The following PCDHGB4 variants were observed in gnomAD, a reference collection of about 807,000 sequenced individuals.
PCDHGB4 encodes the protein protocadherin gamma subfamily B, 4.
A neutral mutation model predicts 60.5 loss-of-function variants in PCDHGB4; 38 were observed. The ratio of observed to expected loss-of-function variants is 0.63; its 90% CI spans 0.48 to 0.82. PCDHGB4 has a LOEUF of 0.82. PCDHGB4 is among the 40% of genes least tolerant of loss of function. The probability of loss-of-function intolerance (pLI) is 0.00; values close to 1 mark genes in which losing one functional copy is unlikely to be tolerated. For missense variants in PCDHGB4, 1,109 were observed against 1,209.6 expected (o/e 0.92, Z 1.23); for synonymous variants, 456 against 509.7 (o/e 0.89, Z 1.42).
intron 1 of PCDHGB4, chr5:141,423,540 C>T (rs961504938): frequency 6.2e-7 from 1 of 1,613,606 alleles, no homozygotes; most frequent in Non-Finnish European, 8.5e-7. Context: ...ACCTGATTTT[C>T]CCCCAGCCCA....
At chr5:141,461,821 T>A (rs569091880) in intron 1 of PCDHGB4, among the ~76,000 whole-genome samples, 1 of 151,286 alleles carries the variant, frequency 6.6e-6, no homozygotes, top group South Asian at 2.1e-4. Context: ...ACCCAGCTAA[T>A]TTTTTTTTCT....
At chr5:141,423,617 A>T (rs1426014397) in intron 1 of PCDHGB4, 3 of 1,608,486 alleles carry the variant, frequency 1.9e-6, no homozygotes, top group Admixed American at 1.7e-5. Flanking sequence ...ATAGCTGAAG[A>T]CTCAGCTATC....
chr5:141,409,833 C>G (rs973436075), intron 1 of PCDHGB4: 2 of 1,611,368 alleles, frequency 1.2e-6, no homozygotes, highest in Non-Finnish European at 1.7e-6. Context: ...ACGCTCAGCG[C>G]CAACGTGAGC....
intron 3 of PCDHGB4, among the ~76,000 whole-genome samples, chr5:141,509,089 G>C (rs1366018197): frequency 6.6e-6 from 1 of 152,158 alleles, no homozygotes; most frequent in Non-Finnish European, 1.5e-5. Context: ...ACATGAAATG[G>C]GGGCTGTAGA....
chr5:141,460,511 AT>A (rs937107682), intron 1 of PCDHGB4, among the ~76,000 whole-genome samples: 2 of 152,168 alleles, frequency 1.3e-5, no homozygotes, highest in African/African-American at 4.8e-5. Flanking sequence ...TGAGAAGGCT[AT>A]CTTTTCCCCA....
At chr5:141,421,164 A>C (rs1304650780) in intron 1 of PCDHGB4, 9 of 1,286,298 alleles carry the variant, frequency 7.0e-6, no homozygotes, top group Non-Finnish European at 9.4e-6. Context: ...GACTTCATAG[A>C]TACATAAGCC....
In PCDHGB4 at chr5:141,409,944, C is replaced by T. The variant is rs779095634; in HGVS notation, c.2397+19663C>T. The T allele has an allele frequency of 6.2e-7, 1 of 1,613,302 alleles. No individual in the cohort carries two copies. The highest frequency in any genetic ancestry group is 1.7e-5 in the Admixed American group (1 of 60,024). On this transcript the variant is annotated intron_variant, in intron 1 of 3. Transcript: ENST00000519479. ...GCGTTCTTCGATATGGTACCTCGCTCTGCAGAGCCCGGCTACCTAGTGACT... is the reference window on the plus strand; with the variant it reads ...GCGTTCTTCGATATGGTACCTCGCTTTGCAGAGCCCGGCTACCTAGTGACT...
At position 141,487,493 on chromosome 5, in the gene PCDHGB4, C is replaced by A. The variant is rs1372433097; in HGVS notation, c.2398-7314C>A. 5.6e-6 allele frequency: 9 copies of A among 1,614,050 alleles called. No individual in the cohort carries two copies. The highest frequency in any genetic ancestry group is 6.8e-6 in the Non-Finnish European group (8 of 1,180,034). On this transcript the variant is annotated intron_variant, in intron 1 of 3. Coordinates refer to ENST00000519479, the MANE Select transcript of PCDHGB4 (RefSeq NM_003736.4). This position sits in a 1 kb window ranked among gnomAD's most constrained non-coding sequence, Gnocchi z 5.0. ...GGGAGGCCACTCTCATGGCTGTACACCCTTGGCTTCTGCACCCACTCGGAG... is the reference window on the plus strand; with the variant it reads ...GGGAGGCCACTCTCATGGCTGTACAACCTTGGCTTCTGCACCCACTCGGAG...
At position 141,433,030 on chromosome 5, in the gene PCDHGB4, T is replaced by C. The variant is rs116611363; in HGVS notation, c.2397+42749T>C. ...TCCTGCAGACCTATTCCCACGAGGTTTCCCTCACCACGGACTCGCGGAAGA... is the reference window on the plus strand; with the variant it reads ...TCCTGCAGACCTATTCCCACGAGGTCTCCCTCACCACGGACTCGCGGAAGA... On this transcript the variant is annotated intron_variant, in intron 1 of 3. Transcript: ENST00000519479. 10,352 of 1,614,096 alleles carry C rather than the reference T, an allele frequency of 6.4e-3. 43 individuals are homozygous for C. The highest frequency in any genetic ancestry group is 8.6e-3 in the Middle Eastern group (52 of 6,062).
Position 141,431,682 on chromosome 5 carries a change from A to C in PCDHGB4, c.2397+41401A>C. The C allele has an allele frequency of 1.2e-6, 2 of 1,614,232 alleles. No homozygotes were observed. Among genetic ancestry groups the C allele is most frequent in the Non-Finnish European group, 1.7e-6 (2 of 1,180,042 alleles). ...ACAATATCAACAATAGGGGAGTTGG[A>C]CCACGAGGAGTCAGGATTCTACCAG... On this transcript the variant is annotated intron_variant, in intron 1 of 3. Transcript: ENST00000519479. The surrounding 1 kb of genome is among the most constrained non-coding windows in gnomAD (Gnocchi z 4.8).
At chr5:141,422,849 C>G in intron 1 of PCDHGB4, 1 of 1,614,238 alleles carries the variant, frequency 6.2e-7, no homozygotes, top group East Asian at 2.2e-5. Flanking sequence ...AGCGGGGACC[C>G]GCCCCTCAGC....
intron 1 of PCDHGB4, chr5:141,414,615 G>A: frequency 6.2e-7 from 1 of 1,613,962 alleles, no homozygotes; most frequent in Non-Finnish European, 8.5e-7. Context: ...CAGTGACAGC[G>A]CTGGACCCGG....
intron 1 of PCDHGB4, among the ~76,000 whole-genome samples, chr5:141,492,574 G>T (rs2099742096): frequency 6.6e-6 from 1 of 152,232 alleles, no homozygotes; most frequent in Non-Finnish European, 1.5e-5. Flanking sequence ...TGAGCGAGGC[G>T]CGGGGCCAGG....
rs769187557 is a variant in PCDHGB4, at chr5:141,433,087, A to C, written c.2397+42806A>C. 2.5e-6 allele frequency: 4 copies of C among 1,614,206 alleles called. No homozygotes were observed. In the Admixed American group the frequency reaches 6.7e-5, roughly 27 times the overall value. On this transcript the variant is annotated intron_variant, in intron 1 of 3. Transcript: ENST00000519479. The stretch of plus-strand genomic sequence containing the variant: ...TGATCTTCCCCCAGCCCAACTATGC[A>C]GACATGCTCGTCAGCCAGGAGAGCT...
intron 1 of PCDHGB4, chr5:141,426,510 T>C: frequency 2.9e-6 from 1 of 342,914 alleles, no homozygotes; most frequent in Non-Finnish European, 5.8e-6. Context: ...AACAATACTT[T>C]ACCGTGAACA....
chr5:141,500,114 G>A (rs72790070), intron 2 of PCDHGB4, among the ~76,000 whole-genome samples: 10,550 of 151,670 alleles, frequency 0.07, 640 homozygotes, highest in African/African-American at 0.16. Flanking sequence ...TTGAATCCCT[G>A]CCTTTTCATA....
chr5:141,419,613 G>T (rs369914837), intron 1 of PCDHGB4: 144 of 1,612,020 alleles, frequency 8.9e-5, no homozygotes, highest in Admixed American at 1.5e-4. Context: ...GCGCAGCCAG[G>T]CTACCTGGTG....
intron 1 of PCDHGB4, chr5:141,419,816 C>A (rs910172118): frequency 7.4e-6 from 12 of 1,613,940 alleles, no homozygotes; most frequent in Non-Finnish European, 1.0e-5. Context: ...AGGACAGCCA[C>A]CCCTTTCAGC....
In PCDHGB4 at chr5:141,490,658, T is replaced by A. The variant is rs776806248; in HGVS notation, c.2398-4149T>A. The A allele has an allele frequency of 8.1e-6, 13 of 1,614,204 alleles. No homozygotes were observed. The South Asian group carries it at 1.4e-4, about 18-fold the overall frequency. ...GAAAACCGGCCTCCGGGCTCCCTTC[T>A]TTGCACTGTGGCTGCCTCAGATCCA... On this transcript the variant is annotated intron_variant, in intron 1 of 3. Transcript: ENST00000519479. The surrounding 1 kb of genome is among the most constrained non-coding windows in gnomAD (Gnocchi z 5.4).
Sources: gnomAD v4.1 joint callset for allele counts (sites outside exome capture counted in the v4.1 genomes callset) on GRCh38, gnomAD v4.1.1 for gene constraint, Gnocchi (gnomAD v3.1) non-coding constraint, MANE v1.5 for transcripts, NCBI Gene and HGNC (gene_info 2026-07-23, HGNC 2026-07-21) for gene names.